The following UBE2F variants were observed in gnomAD, a reference collection of about 807,000 sequenced individuals.
UBE2F encodes NEDD8-conjugating enzyme UBE2F.
A neutral mutation model predicts 29.6 loss-of-function variants in UBE2F; 5 were observed. The observed-to-expected ratio is 0.17, with a 90% CI of 0.09 to 0.36. The LOEUF is 0.36. Ranked by LOEUF, UBE2F falls within the 10% of genes least tolerant of loss-of-function variation. The pLI, the probability that UBE2F is intolerant of heterozygous loss-of-function variation, is 1.00. For missense variants in UBE2F, 141 were observed against 228.5 expected (o/e 0.62, Z 2.47); for synonymous variants, 66 against 81.8 (o/e 0.81, Z 1.04).
chr2:238,033,202 A>G (rs1293179171), intron 8 of UBE2F, among the ~76,000 whole-genome samples: 1 of 152,196 alleles, frequency 6.6e-6, no homozygotes, highest in Non-Finnish European at 1.5e-5. Flanking sequence ...GTCAGTGATG[A>G]GCTGCTGAAG....
intron 2 of UBE2F, among the ~76,000 whole-genome samples, chr2:237,976,228 G>C (rs1484183346): frequency 6.6e-6 from 1 of 152,228 alleles, no homozygotes; most frequent in Non-Finnish European, 1.5e-5. Context: ...CAGGAAAATG[G>C]TGTGTTGTTG....
chr2:238,019,302 G>A (rs146776255), intron 5 of UBE2F, among the ~76,000 whole-genome samples: 150 of 152,274 alleles, frequency 9.9e-4, no homozygotes, highest in African/African-American at 3.3e-3. Context: ...AGCAGCTGGT[G>A]GCTCTGCATG....
chr2:237,993,482 G>A (rs1382836693), intron 3 of UBE2F, among the ~76,000 whole-genome samples: 1 of 152,186 alleles, frequency 6.6e-6, no homozygotes, highest in Non-Finnish European at 1.5e-5. Context: ...AGAGGCCAAG[G>A]TGAGTGGATC....
chr2:237,996,264 TG>T (rs1438979578), intron 4 of UBE2F, among the ~76,000 whole-genome samples: 1 of 152,178 alleles, frequency 6.6e-6, no homozygotes, highest in Non-Finnish European at 1.5e-5. Context: ...ATTTCAGACT[TG>T]TGTGTTTATA....
intron 6 of UBE2F, 23 bp from the exon 7 acceptor site, chr2:238,030,533 C>T: frequency 6.2e-7 from 1 of 1,605,284 alleles, no homozygotes; most frequent in Non-Finnish European, 8.5e-7. Flanking sequence ...CCTCACTAAC[C>T]ACTGTGTGTT....
At chr2:237,971,414 C>G (rs997351276) in intron 1 of UBE2F, among the ~76,000 whole-genome samples, 1 of 152,176 alleles carries the variant, frequency 6.6e-6, no homozygotes, top group African/African-American at 2.4e-5. Flanking sequence ...CCTCTGCCTC[C>G]CGGCTTCAAG....
chr2:237,976,371 ATGGTTAATAG>A (rs1239464133), intron 2 of UBE2F, among the ~76,000 whole-genome samples: 1 of 152,208 alleles, frequency 6.6e-6, no homozygotes, highest in Non-Finnish European at 1.5e-5. Flanking sequence ...AATCATTGTC[ATGGTTAATAG>A]TAGCTAATAG....
intron 9 of UBE2F, among the ~76,000 whole-genome samples, chr2:238,037,522 G>C (rs2064740977): frequency 6.6e-6 from 1 of 152,262 alleles, no homozygotes; most frequent in Non-Finnish European, 1.5e-5. Flanking sequence ...GGATTTGGTG[G>C]TAGAACCTCG....
chr2:238,028,213 C>T (rs1206720875), intron 6 of UBE2F, among the ~76,000 whole-genome samples: 1 of 152,234 alleles, frequency 6.6e-6, no homozygotes, highest in Non-Finnish European at 1.5e-5. Flanking sequence ...CATGCTGGGG[C>T]CGGCCTTGCC....
chr2:237,996,474 GCGTT>G (rs2063695220), intron 4 of UBE2F, among the ~76,000 whole-genome samples: 2 of 93,532 alleles, frequency 2.1e-5, no homozygotes, highest in African/African-American at 1.6e-4. Flanking sequence ...CCTCCCCTCC[GCGTT>G]TTTTTTTTTT....
At chr2:237,994,864 G>A in intron 4 of UBE2F, 55 bp downstream of exon 4, 1 of 1,403,692 alleles carries the variant, frequency 7.1e-7, no homozygotes, top group Non-Finnish European at 1.0e-6. Context: ...TATAAAGGCT[G>A]CCCAAACCTG....
intron 4 of UBE2F, among the ~76,000 whole-genome samples, chr2:238,006,391 C>T (rs940573775): frequency 6.6e-6 from 1 of 152,182 alleles, no homozygotes; most frequent in African/African-American, 2.4e-5. Context: ...TTGGAGGGGA[C>T]ACACGTCCAA....
rs1216566034 is a variant in UBE2F, at chr2:237,982,140, C to T, written c.119-5823C>T. On this transcript the variant is annotated intron_variant, in intron 2 of 9. Coordinates refer to ENST00000272930, the MANE Select transcript of UBE2F (RefSeq NM_080678.3). The surrounding 1 kb of genome is among the most constrained non-coding windows in gnomAD (Gnocchi z 4.1). ...GGTCCCTGACAAAGCTGTCAAATGT[C>T]AAACCAGCAAAACACTCCCCGAGTG... 2.6e-5 allele frequency among the ~76,000 whole-genome samples: 4 copies of T among 152,168 alleles called. No homozygotes were observed. The highest frequency in any genetic ancestry group is 2.6e-4 in the Admixed American group (4 of 15,278).
rs367975107 is a variant in UBE2F, at chr2:237,994,786, G to A, written c.191G>A (p.Cys64Tyr). 1.2e-6 allele frequency: 2 copies of A among 1,613,928 alleles called. No individual in the cohort carries two copies. Among genetic ancestry groups the A allele is most frequent in the African/African-American group, 2.7e-5 (2 of 74,900 alleles). Residue 64 changes from cysteine to tyrosine, a missense_variant, in exon 4 of 10, where the codon TGT becomes TAT. Coordinates refer to ENST00000272930, the MANE Select transcript of UBE2F (RefSeq NM_080678.3). ...VHFPDPNKLH[C>Y]FQLTVTPDEG... Reference sequence around the variant, plus strand: ...TTTCCTGATCCAAACAAGCTTCATTGTTTTCAGCTAACAGTAACCCCAGGT... The same window carrying A: ...TTTCCTGATCCAAACAAGCTTCATTATTTTCAGCTAACAGTAACCCCAGGT...
At chr2:237,975,695 G>C (rs1339755199) in intron 2 of UBE2F, among the ~76,000 whole-genome samples, 1 of 152,176 alleles carries the variant, frequency 6.6e-6, no homozygotes, top group Non-Finnish European at 1.5e-5. Context: ...ACAGAATGCA[G>C]TGGCATGATC....
At chr2:238,039,815 A>G (rs1158778705) in intron 9 of UBE2F, among the ~76,000 whole-genome samples, 1 of 152,174 alleles carries the variant, frequency 6.6e-6, no homozygotes, top group Non-Finnish European at 1.5e-5. Flanking sequence ...CTAAGAGTAC[A>G]TGGCATCTTT....
chr2:238,041,234 C>G (rs543737492), intron 9 of UBE2F, 54 bp from the exon 10 acceptor site: 13 of 1,554,666 alleles, frequency 8.4e-6, no homozygotes, highest in Non-Finnish European at 1.2e-5. Context: ...CTGCTTCACT[C>G]ACTCACTCAC....
At chr2:237,980,624 G>A (rs116268367) in intron 2 of UBE2F, among the ~76,000 whole-genome samples, 69 of 152,298 alleles carry the variant, frequency 4.5e-4, no homozygotes, top group African/African-American at 1.6e-3. Flanking sequence ...AGTCCACAGC[G>A]CCTTTGGAAT....
intron 5 of UBE2F, among the ~76,000 whole-genome samples, chr2:238,017,858 C>T (rs1360386195): frequency 1.3e-5 from 2 of 152,178 alleles, no homozygotes; most frequent in Non-Finnish European, 2.9e-5. Context: ...GGGAAGTGTG[C>T]TCCCACTGCC....
Sources: allele counts gnomAD v4.1 joint callset (sites outside exome capture counted in the v4.1 genomes callset), GRCh38; gene constraint gnomAD v4.1.1; non-coding constraint Gnocchi (gnomAD v3.1); transcripts MANE v1.5; gene names NCBI Gene and HGNC (gene_info 2026-07-23, HGNC 2026-07-21).